NUP205: variants seen among roughly 807,000 people sequenced by gnomAD.
The protein encoded by NUP205 is nuclear pore complex protein Nup205.
Under a neutral mutation model 253.8 loss-of-function variants are expected in NUP205, and 76 were observed. The ratio of observed to expected loss-of-function variants is 0.30; its 90% CI spans 0.25 to 0.36. The LOEUF (loss-of-function observed/expected upper bound fraction) is 0.36, where lower values mean the gene tolerates loss of function less well. NUP205 is among the 10% of genes least tolerant of loss of function. The pLI is 1.00. For missense variants in NUP205, 2,162 were observed against 2,425.5 expected, an observed-to-expected ratio of 0.89 and a Z score of 2.28; for synonymous variants, 832 against 850.1, an observed-to-expected ratio of 0.98 and a Z score of 0.37.
intron 39 of NUP205, among the ~76,000 whole-genome samples, chr7:135,644,026 A>C (rs922629366): frequency 6.6e-6 from 1 of 152,218 alleles, no homozygotes; most frequent in Non-Finnish European, 1.5e-5. Context: ...TGAGTAGTCC[A>C]TGCCTACTCC....
chr7:135,588,613 C>G (rs1806537534), intron 10 of NUP205, among the ~76,000 whole-genome samples: 2 of 150,954 alleles, frequency 1.3e-5, no homozygotes, highest in African/African-American at 4.9e-5. Context: ...CAGGGCCTTG[C>G]TATGATGACC....
chr7:135,563,418 AC>A (rs1805648529), intron 1 of NUP205, among the ~76,000 whole-genome samples: 1 of 151,944 alleles, frequency 6.6e-6, no homozygotes, highest in Non-Finnish European at 1.5e-5. Flanking sequence ...TGATCTCCTG[AC>A]CTCGTGATGT....
Position 135,601,352 on chromosome 7 carries a change from A to G in NUP205, c.2375-18A>G, listed in dbSNP as rs1793961035. On this transcript the variant is annotated intron_variant, in intron 16 of 42. Transcript: ENST00000285968. ...ATACTAACCCATCATCTCTTGGAATATGTTATGTTCTATTTAGGAGAAGAA... is the reference window on the plus strand; with the variant it reads ...ATACTAACCCATCATCTCTTGGAATGTGTTATGTTCTATTTAGGAGAAGAA... 1.3e-5 allele frequency: 21 copies of G among 1,602,826 alleles called. No homozygotes were observed. Among genetic ancestry groups the G allele is most frequent in the Non-Finnish European group, 1.7e-5 (20 of 1,174,948 alleles).
chr7:135,643,356 G>C lies in NUP205; in HGVS notation c.5557G>C (p.Glu1853Gln), dbSNP rs1372235295. 6.2e-7 allele frequency: 1 copy of C among 1,613,412 alleles called. No individual in the cohort carries two copies. The highest frequency in any genetic ancestry group is 8.5e-7 in the Non-Finnish European group (1 of 1,179,658). The change falls in exon 39 of 43, where the codon GAG becomes CAG. Residue 1853 changes from glutamate to glutamine, a missense_variant and splice_region_variant. By Grantham distance (29) the Glu-to-Gln change is conservative (BLOSUM62 2). Around this residue, in one of 5 missense-constraint regions of NUP205, gnomAD observed 1,144 missense variants for 1,280.9 expected, o/e 0.89. Coordinates refer to ENST00000285968, the MANE Select transcript of NUP205 (RefSeq NM_015135.3). ...GCAGCTTCCCCCAGATGAGATAAAAGAGGTACGAATCTTATAATGAGCTGG... is the reference window on the plus strand; with the variant it reads ...GCAGCTTCCCCCAGATGAGATAAAACAGGTACGAATCTTATAATGAGCTGG... ...VEQLPPDEIK[E>Q]LCQSVMPAGV...
chr7:135,643,155 T>G, intron 38 of NUP205, 37 bp from the exon 39 acceptor site: 1 of 1,582,086 alleles, frequency 6.3e-7, no homozygotes, highest in South Asian at 1.1e-5. Context: ...GAAATGCTTA[T>G]AAGTGGAACA....
chr7:135,565,765 A>G (rs570000168), intron 1 of NUP205, among the ~76,000 whole-genome samples: 77 of 152,278 alleles, frequency 5.1e-4, no homozygotes, highest in African/African-American at 1.5e-3. Flanking sequence ...TAGTCCATCA[A>G]CCACACTAGA....
chr7:135,567,118 G>T (rs1331041572), intron 1 of NUP205, among the ~76,000 whole-genome samples: 2 of 2,970 alleles, frequency 6.7e-4, no homozygotes, highest in Non-Finnish European at 1.7e-3. Flanking sequence ...GTCTTGCTCA[G>T]TCTATGTGTG....
chr7:135,641,845 T>C (rs1226301785), intron 38 of NUP205, among the ~76,000 whole-genome samples: 1 of 151,956 alleles, frequency 6.6e-6, no homozygotes, highest in African/African-American at 2.4e-5. Flanking sequence ...AGTCAGACTT[T>C]AGAGCAAAGT....
At chr7:135,621,654 G>A (rs991162846) in intron 30 of NUP205, among the ~76,000 whole-genome samples, 1 of 152,104 alleles carries the variant, frequency 6.6e-6, no homozygotes, top group African/African-American at 2.4e-5. Flanking sequence ...CCTAATCATT[G>A]TATAATGGTT....
At chr7:135,631,788 C>T (rs1794719149) in intron 35 of NUP205, among the ~76,000 whole-genome samples, 1 of 141,788 alleles carries the variant, frequency 7.1e-6, no homozygotes, top group Non-Finnish European at 1.5e-5. Flanking sequence ...CTTGCTCTGT[C>T]GCCCAGGCTA....
chr7:135,612,639 A>G (rs1373731770), intron 22 of NUP205, among the ~76,000 whole-genome samples: 1 of 152,204 alleles, frequency 6.6e-6, no homozygotes, highest in Non-Finnish European at 1.5e-5. Context: ...ATTAGAGAGC[A>G]TGAGAGTTCG....
chr7:135,559,680 AT>A (rs1384218850), intron 1 of NUP205, among the ~76,000 whole-genome samples: 1 of 138,308 alleles, frequency 7.2e-6, no homozygotes, highest in Non-Finnish European at 1.6e-5. Flanking sequence ...ATACACATTT[AT>A]TTTCCTTTTT....
intron 33 of NUP205, 86 bp downstream of exon 33, chr7:135,626,447 T>C: frequency 7.0e-7 from 1 of 1,422,118 alleles, no homozygotes; most frequent in Non-Finnish European, 9.6e-7. Context: ...ATTTTGCCGC[T>C]TAGCAATTCT....
At chr7:135,627,853 C>T in intron 33 of NUP205, 120 bp from the exon 34 acceptor site, 6 of 926,226 alleles carry the variant, frequency 6.5e-6, no homozygotes, top group Non-Finnish European at 1.0e-5. Flanking sequence ...GCAGAGTACT[C>T]ACTAGTTGAT....
chr7:135,575,137 A>T (rs1250842171), intron 3 of NUP205, among the ~76,000 whole-genome samples: 1 of 152,236 alleles, frequency 6.6e-6, no homozygotes, highest in Non-Finnish European at 1.5e-5. Context: ...AATAATTGAG[A>T]ATGATGTGGA....
intron 27 of NUP205, among the ~76,000 whole-genome samples, chr7:135,618,206 G>A (rs1794398974): frequency 6.6e-6 from 1 of 152,134 alleles, no homozygotes; most frequent in Admixed American, 6.5e-5. Context: ...TGCCACTTCT[G>A]TCCCCTACCT....
intron 40 of NUP205, 113 bp from the exon 41 acceptor site, chr7:135,645,355 C>T: frequency 9.3e-7 from 1 of 1,069,666 alleles, no homozygotes; most frequent in Non-Finnish European, 1.4e-6. Context: ...TAGACTGAGG[C>T]TGTGGGTACC....
At chr7:135,629,607 A>G (rs576575713) in intron 34 of NUP205, among the ~76,000 whole-genome samples, 1 of 150,534 alleles carries the variant, frequency 6.6e-6, no homozygotes, top group African/African-American at 2.4e-5. Context: ...GCTCACTGCA[A>G]CCTCCACCTC....
chr7:135,572,715 T>C (rs952575663), intron 2 of NUP205, among the ~76,000 whole-genome samples: 3 of 152,096 alleles, frequency 2.0e-5, no homozygotes, highest in African/African-American at 4.8e-5. Flanking sequence ...CCTGCCACCA[T>C]GTCCAGCTAA....
Sources: gnomAD v4.1 joint callset for allele counts (sites outside exome capture counted in the v4.1 genomes callset) on GRCh38, gnomAD v4.1.1 for gene constraint, gnomAD v4.1.1 regional missense constraint, MANE v1.5 for transcripts, NCBI Gene and HGNC (gene_info 2026-07-23, HGNC 2026-07-21) for gene names.